DIP2C: variants seen among roughly 807,000 people sequenced by gnomAD.
The protein encoded by DIP2C is DIP2 acetate--CoA ligase C (putative), also known as disco-interacting protein 2 homolog C.
DIP2C carries 33 observed loss-of-function variants against 192.4 expected under a neutral mutation model. The ratio of observed to expected loss-of-function variants is 0.17; its 90% CI spans 0.13 to 0.23. DIP2C has a LOEUF of 0.23. Ranked by LOEUF, DIP2C falls within the 10% of genes least tolerant of loss-of-function variation. The pLI, the probability that DIP2C is intolerant of heterozygous loss-of-function variation, is 1.00. For synonymous variants in DIP2C, 979 were observed against 864.1 expected, an observed-to-expected ratio of 1.13 and a Z score of -2.33; for missense variants, 1,537 against 2,110.1, an observed-to-expected ratio of 0.73 and a Z score of 5.32.
At chr10:615,663 T>G (rs1853420872) in intron 1 of DIP2C, among the ~76,000 whole-genome samples, 1 of 152,026 alleles carries the variant, frequency 6.6e-6, no homozygotes, top group Admixed American at 6.6e-5. Context: ...GCTTAGCCTC[T>G]TCACCAGCGC....
At chr10:449,071 C>T (rs367877946) in intron 3 of DIP2C, among the ~76,000 whole-genome samples, 5 of 147,076 alleles carry the variant, frequency 3.4e-5, no homozygotes, top group East Asian at 2.1e-4. Flanking sequence ...TGCTCACTCC[C>T]GTCGATACTC....
chr10:539,347 TATTA>T (rs1847855269), intron 1 of DIP2C, among the ~76,000 whole-genome samples: 1 of 152,252 alleles, frequency 6.6e-6, no homozygotes, highest in Admixed American at 6.5e-5. Context: ...ATTCAGACTT[TATTA>T]TTCATTAAAC....
rs369951405 is a variant in DIP2C at position 462,419 on chromosome 10, T to G, written c.268+10020A>C. Among the ~76,000 whole-genome samples the G allele has an allele frequency of 6.8e-4, 104 of 152,038 alleles. 1 individual carries two copies. In the South Asian group the frequency reaches 0.021, roughly 31 times the overall value. On this transcript the variant is annotated intron_variant, in intron 3 of 36. Transcript: ENST00000280886. ...ATCTCTATGCAAATAAACTAGAAAATCTAGAAGAAATGGATAAATTCCAGG... is the reference window on the plus strand; with the variant it reads ...ATCTCTATGCAAATAAACTAGAAAAGCTAGAAGAAATGGATAAATTCCAGG...
At chr10:621,212 C>CG (rs2131835889) in intron 1 of DIP2C, among the ~76,000 whole-genome samples, 1 of 152,258 alleles carries the variant, frequency 6.6e-6, no homozygotes, top group East Asian at 1.9e-4. Flanking sequence ...CACACACCCC[C>CG]AGGTGTGCAC....
intron 31 of DIP2C, chr10:311,593 G>A (rs1209864663): frequency 7.7e-5 from 95 of 1,232,094 alleles, no homozygotes; most frequent in Non-Finnish European, 9.1e-5. Context: ...GTGAGGACGA[G>A]AAGAGAGGAG....
chr10:299,141 C>T (rs1048653050), intron 32 of DIP2C, among the ~76,000 whole-genome samples: 2 of 152,194 alleles, frequency 1.3e-5, no homozygotes, highest in Admixed American at 6.5e-5. Context: ...CCCCATCTTA[C>T]ACAATGTGCA....
chr10:384,280 T>TG, intron 15 of DIP2C, 134 bp from the exon 16 acceptor site: 6 of 1,205,312 alleles, frequency 5.0e-6, no homozygotes, highest in Non-Finnish European at 6.6e-6. Flanking sequence ...CCTTTTTTTT[T>TG]TTTTTTTTTT....
intron 29 of DIP2C, among the ~76,000 whole-genome samples, chr10:335,334 CA>C (rs1262811101): frequency 6.6e-6 from 1 of 152,204 alleles, no homozygotes; most frequent in Non-Finnish European, 1.5e-5. Context: ...CCAGACACTT[CA>C]GGGGGGATTT....
At chr10:455,358 CAGTGAGTCCCTGCCTGAGGGGAGA>C in intron 3 of DIP2C, among the ~76,000 whole-genome samples, 13 of 116,274 alleles carry the variant, frequency 1.1e-4, no homozygotes, top group Admixed American at 2.7e-4. Flanking sequence ...GAAAACACTG[CAGTGAGTCCCTGCCTGAGGGGAGA>C]CCGTGAGGAG....
At chr10:447,567 A>ATT (rs1968363161) in intron 3 of DIP2C, among the ~76,000 whole-genome samples, 4 of 108,114 alleles carry the variant, frequency 3.7e-5, no homozygotes, top group African/African-American at 3.9e-5. Context: ...GGACCCACTC[A>ATT]CCCGTCGATA....
At chr10:349,702 T>C (rs1958698007) in intron 24 of DIP2C, among the ~76,000 whole-genome samples, 1 of 152,170 alleles carries the variant, frequency 6.6e-6, no homozygotes, top group African/African-American at 2.4e-5. Flanking sequence ...CAAAGAAACA[T>C]CTAGATATAT....
At chr10:490,967 C>G (rs1046276846) in intron 1 of DIP2C, among the ~76,000 whole-genome samples, 2 of 152,176 alleles carry the variant, frequency 1.3e-5, no homozygotes, top group Non-Finnish European at 2.9e-5. Context: ...TTCTTTTTCT[C>G]ACTTATGTTG....
At chr10:677,083 A>C (rs1202258468) in intron 1 of DIP2C, among the ~76,000 whole-genome samples, 1 of 152,202 alleles carries the variant, frequency 6.6e-6, no homozygotes, top group African/African-American at 2.4e-5. Flanking sequence ...CATTAAAAAG[A>C]ATAATTGTTA....
At chr10:670,077 C>G (rs1857349134) in intron 1 of DIP2C, among the ~76,000 whole-genome samples, 1 of 152,132 alleles carries the variant, frequency 6.6e-6, no homozygotes, top group Non-Finnish European at 1.5e-5. Flanking sequence ...CATATCTGTG[C>G]ACACACACAT....
intron 1 of DIP2C, among the ~76,000 whole-genome samples, chr10:618,865 G>A (rs907300397): frequency 6.6e-5 from 10 of 152,344 alleles, no homozygotes; most frequent in African/African-American, 1.9e-4. Flanking sequence ...ACTGTCCCTC[G>A]CCAAGGTATG....
Position 288,364 on chromosome 10 carries a change from C to G in DIP2C, c.4044G>C (p.Lys1348Asn). ...GCGTGCCTCTTCCTATAATACTTAC[C>G]TTTCCCGATTCCATCAGGGGCAGAC... The part of the protein sequence containing the change: ...PHSLPLMESG[K>N]ILPGVRIIIA... The change falls in exon 33 of 37, where the codon AAG (lysine) becomes AAC (asparagine). Residue 1348 changes from lysine to asparagine, a missense_variant and splice_region_variant. Coordinates refer to ENST00000280886, the MANE Select transcript of DIP2C (RefSeq NM_014974.3). 1 of 1,613,970 alleles carries G rather than the reference C, an allele frequency of 6.2e-7. No homozygotes were observed. Among genetic ancestry groups the G allele is most frequent in the Non-Finnish European group, 8.5e-7 (1 of 1,179,908 alleles).
chr10:605,239 G>A (rs1230805687), intron 1 of DIP2C, among the ~76,000 whole-genome samples: 1 of 152,216 alleles, frequency 6.6e-6, no homozygotes, highest in African/African-American at 2.4e-5. Flanking sequence ...TTAAAATGGG[G>A]AACGGGGGCA....
chr10:340,913 C>A (rs1039394418), intron 29 of DIP2C: 8 of 513,074 alleles, frequency 1.6e-5, no homozygotes, highest in Non-Finnish European at 3.0e-5. Flanking sequence ...GCATAAGAAC[C>A]AAGCCTGGAG....
At chr10:395,378 A>G (rs768008132) in intron 10 of DIP2C, among the ~76,000 whole-genome samples, 1 of 152,212 alleles carries the variant, frequency 6.6e-6, no homozygotes, top group African/African-American at 2.4e-5. Flanking sequence ...TCGTATGCAT[A>G]TATCAGAACA....
Sources: gnomAD v4.1 joint callset for allele counts (sites outside exome capture counted in the v4.1 genomes callset) on GRCh38, gnomAD v4.1.1 for gene constraint, MANE v1.5 for transcripts, NCBI Gene and HGNC (gene_info 2026-07-23, HGNC 2026-07-21) for gene names.